Variants in ARAP2 observed in about 807,000 individuals in gnomAD.
The protein encoded by ARAP2 is arf-GAP with Rho-GAP domain, ANK repeat and PH domain-containing protein 2.
ARAP2 carries 148 observed loss-of-function variants against 194.5 expected under a neutral mutation model. The observed-to-expected ratio is 0.76, with a 90% CI of 0.67 to 0.87. The LOEUF is 0.87. ARAP2 is among the 40% of genes least tolerant of loss of function. The probability of loss-of-function intolerance (pLI) is 0.00; values close to 1 mark genes in which losing one functional copy is unlikely to be tolerated. For synonymous variants in ARAP2, 695 were observed against 683.5 expected, an observed-to-expected ratio of 1.02 and a Z score of -0.26; for missense variants, 2,128 against 1,989.7, an observed-to-expected ratio of 1.07 and a Z score of -1.32.
At chr4:36,046,584 A>C (rs1171547563) in intron 4 of ARAP2, 2 of 152,200 alleles carry the variant, frequency 1.3e-5, no homozygotes, top group Non-Finnish European at 2.9e-5. Flanking sequence ...TGCAGACCAC[A>C]GAAAGAATCT....
intron 15 of ARAP2, 78 bp downstream of exon 15, chr4:36,158,651 AT>A: frequency 7.8e-7 from 1 of 1,276,700 alleles, no homozygotes. Context: ...TCTCAAAAAA[AT>A]CAAAATCTAA....
Position 36,187,499 on chromosome 4 carries a change from C to A in ARAP2, c.1630G>T (p.Glu544Ter). ...AAAGTTCTTTGTGTTGTAACAACTT[C>A]AAATTTGTTGTCTCCTTGAACTCGT... ...TVRVQGDNKF[E>*]VVTTQRTFVF... The change falls in exon 8 of 33, where the codon GAA becomes TAA. Residue 544 changes from glutamate (E) to a stop codon, truncating the protein, a stop_gained. Coordinates refer to ENST00000303965, the MANE Select transcript of ARAP2 (RefSeq NM_015230.4). LOFTEE classifies it high-confidence loss of function. 6.5e-7 allele frequency: 1 copy of A among 1,536,358 alleles called. No individual in the cohort carries two copies. Among genetic ancestry groups the A allele is most frequent in the East Asian group, 2.3e-5 (1 of 43,222 alleles).
At chr4:36,017,828 A>T (rs1463012487) in intron 6 of ARAP2, among the ~76,000 whole-genome samples, 1 of 152,148 alleles carries the variant, frequency 6.6e-6, no homozygotes, top group African/African-American at 2.4e-5. Flanking sequence ...GCAGTGAAAC[A>T]GAGTGACAAG....
At chr4:36,166,253 A>C (rs1367590204) in intron 10 of ARAP2, among the ~76,000 whole-genome samples, 1 of 152,116 alleles carries the variant, frequency 6.6e-6, no homozygotes, top group Non-Finnish European at 1.5e-5. Flanking sequence ...CGTGATGTTG[A>C]TTATTTATAA....
Position 36,230,528 on chromosome 4 carries a change from T to G in ARAP2, c.-159-883A>C, listed in dbSNP as rs1751240420. Among the ~76,000 whole-genome samples, 2 of 152,222 alleles carry G rather than the reference T, an allele frequency of 1.3e-5. 1 individual carries two copies. Among genetic ancestry groups the G allele is most frequent in the South Asian group, 4.1e-4 (2 of 4,832 alleles). On this transcript the variant is annotated intron_variant, in intron 1 of 32. Transcript: ENST00000303965. ...TGCTAATATGAAAGGTCACATGTCCTCCAATGTACATAGCAGATTCATAAA... is the reference window on the plus strand; with the variant it reads ...TGCTAATATGAAAGGTCACATGTCCGCCAATGTACATAGCAGATTCATAAA...
chr4:36,091,246 T>C (rs1713556921), intron 28 of ARAP2, among the ~76,000 whole-genome samples: 1 of 152,198 alleles, frequency 6.6e-6, no homozygotes, highest in African/African-American at 2.4e-5. Flanking sequence ...GTTAAGTTAC[T>C]TATTCATGTA....
chr4:36,085,472 C>T (rs1432595089), intron 28 of ARAP2, among the ~76,000 whole-genome samples: 2 of 152,010 alleles, frequency 1.3e-5, no homozygotes, highest in East Asian at 1.9e-4. Flanking sequence ...TAGACATGCA[C>T]TTTTTGTGAC....
chr4:36,105,437 C>T (rs1022159054), intron 27 of ARAP2, among the ~76,000 whole-genome samples: 2 of 151,982 alleles, frequency 1.3e-5, no homozygotes, highest in African/African-American at 4.8e-5. Context: ...TCTTCTCTAG[C>T]TTTTTTTCTA....
chr4:36,209,349 A>C (rs1390932724), intron 6 of ARAP2: 2 of 450,378 alleles, frequency 4.4e-6, no homozygotes, highest in Admixed American at 4.9e-5. Flanking sequence ...ATGTAACCAG[A>C]AAGAAGTGAC....
At chr4:36,153,040 G>C (rs1009409841) in intron 15 of ARAP2, among the ~76,000 whole-genome samples, 1 of 152,206 alleles carries the variant, frequency 6.6e-6, no homozygotes, top group Admixed American at 6.5e-5. Flanking sequence ...TGTGACTGCA[G>C]ATCTCATTAT....
chr4:36,130,320 A>C (rs1725114788), intron 20 of ARAP2, among the ~76,000 whole-genome samples: 1 of 151,966 alleles, frequency 6.6e-6, no homozygotes, highest in Non-Finnish European at 1.5e-5. Context: ...AGTTTGCTAT[A>C]TAAAACCTTA....
intron 5 of ARAP2, among the ~76,000 whole-genome samples, chr4:36,041,045 A>G (rs1391800034): frequency 6.6e-6 from 1 of 151,946 alleles, no homozygotes; most frequent in East Asian, 1.9e-4. Flanking sequence ...TTACATGAAC[A>G]GATGTTGAAT....
chr4:36,193,155 G>A (rs1022235111), intron 7 of ARAP2, among the ~76,000 whole-genome samples: 3 of 152,152 alleles, frequency 2.0e-5, no homozygotes, highest in African/African-American at 7.2e-5. Context: ...CTCAGCCATA[G>A]AGCATGCAAT....
At position 36,146,454 on chromosome 4, in the gene ARAP2, A is replaced by G. The variant is rs1416036881; in HGVS notation, c.3263+842T>C. Among the ~76,000 whole-genome samples the G allele has an allele frequency of 2.0e-5, 3 of 151,996 alleles. No homozygotes were observed. The South Asian group carries it at 6.2e-4, about 31-fold the overall frequency. ...TGATCAGGTTGTGGGTATCTCTGAAATCATTTCTTCCCACTCTCTCTTTCA... is the reference window on the plus strand; with the variant it reads ...TGATCAGGTTGTGGGTATCTCTGAAGTCATTTCTTCCCACTCTCTCTTTCA... On this transcript the variant is annotated intron_variant, in intron 19 of 32. Coordinates refer to ENST00000303965, the MANE Select transcript of ARAP2 (RefSeq NM_015230.4).
At chr4:36,083,482 T>A (rs1459569437) in intron 28 of ARAP2, 32 bp from the exon 29 acceptor site, 1 of 1,419,730 alleles carries the variant, frequency 7.0e-7, no homozygotes. Flanking sequence ...TGTAATTAAA[T>A]GGATTTACAC....
chr4:36,103,301 T>G (rs1333378362), intron 27 of ARAP2, among the ~76,000 whole-genome samples: 1 of 151,728 alleles, frequency 6.6e-6, no homozygotes, highest in Non-Finnish European at 1.5e-5. Context: ...TCATTAAAAT[T>G]TCATTCTCAT....
chr4:36,082,293 C>G lies in ARAP2; in HGVS notation c.4509-7G>C. 2 of 1,602,870 alleles carry G rather than the reference C, an allele frequency of 1.2e-6. No homozygotes were observed. The stretch of plus-strand genomic sequence containing the variant: ...ATATGCGGTCAATCCCCAGCTGCAT[C>G]ACATAGAAAAAAAAACACACATAAA... On this transcript the variant is annotated splice_region_variant and splice_polypyrimidine_tract_variant and intron_variant, in intron 29 of 32. Transcript: ENST00000303965.
rs73809148 is a variant in ARAP2 at position 36,161,432 on chromosome 4, A to G, written c.2259+33T>C. The G allele has an allele frequency of 1.2e-3, 1,818 of 1,579,358 alleles. 18 individuals are homozygous for G. In the African/African-American group the frequency reaches 0.022, roughly 19 times the overall value. ...CCCAGTCTCTGCAAACTGAACCCCT[A>G]TCACAACCCCATTCAGGTTAAATAG... On this transcript the variant is annotated intron_variant, in intron 12 of 32. Transcript: ENST00000303965.
intron 27 of ARAP2, among the ~76,000 whole-genome samples, chr4:36,098,028 G>A (rs1715788819): frequency 6.7e-6 from 1 of 148,406 alleles, no homozygotes; most frequent in South Asian, 2.2e-4. Context: ...ATGTAACCAG[G>A]CAATGAAACT....
Sources: allele counts gnomAD v4.1 joint callset (sites outside exome capture counted in the v4.1 genomes callset), GRCh38; gene constraint gnomAD v4.1.1; transcripts MANE v1.5; gene names NCBI Gene and HGNC (gene_info 2026-07-23, HGNC 2026-07-21).